XXYLT1: variants seen among roughly 807,000 people sequenced by gnomAD.
The protein encoded by XXYLT1 is xyloside xylosyltransferase 1, also known as UDP-xylose:alpha-xyloside alpha-1,3-xylosyltransferase.
Under a neutral mutation model 28.9 loss-of-function variants are expected in XXYLT1, and 20 were observed. The observed-to-expected ratio is 0.69, with a 90% CI of 0.49 to 1.00. The LOEUF (loss-of-function observed/expected upper bound fraction) is 1.00. Ranked by LOEUF, XXYLT1 falls within the 50% of genes least tolerant of loss-of-function variation. XXYLT1 has a pLI of 0.00. For synonymous variants in XXYLT1, 257 were observed against 253.8 expected (o/e 1.01, Z -0.12); for missense variants, 542 against 560.1 (o/e 0.97, Z 0.33).
chr3:195,072,057 G>T (rs1163203674), intron 3 of XXYLT1, among the ~76,000 whole-genome samples: 1 of 152,182 alleles, frequency 6.6e-6, no homozygotes, highest in African/African-American at 2.4e-5. Flanking sequence ...CCCAGCTGGG[G>T]GTGTGGCCCG....
chr3:195,198,574 C>T (rs982354229), intron 2 of XXYLT1, among the ~76,000 whole-genome samples: 5 of 152,164 alleles, frequency 3.3e-5, no homozygotes, highest in Admixed American at 1.3e-4. Flanking sequence ...GTACTTATCC[C>T]GTGTAAGGTA....
chr3:195,271,134 T>C lies in XXYLT1; in HGVS notation c.-76A>G. 3.2e-6 allele frequency: 4 copies of C among 1,253,968 alleles called. No individual in the cohort carries two copies. Among genetic ancestry groups the C allele is most frequent in the Non-Finnish European group, 4.0e-6 (4 of 999,328 alleles). 77.7% of individuals were successfully genotyped at this position (1,253,968 alleles called of 1,614,324 possible). On this transcript the variant is annotated 5_prime_UTR_variant, in exon 1 of 4. It removes the in-frame stop codon of an upstream open reading frame in the 5' UTR. Coordinates refer to ENST00000310380, the MANE Select transcript of XXYLT1 (RefSeq NM_152531.5). ...GGGTACCCGGACGCCGGCGGCCACT[T>C]AGCCCCGGCGCCAGGCGGCGGCCAT...
intron 3 of XXYLT1, 149 bp downstream of exon 3, chr3:195,156,300 T>C: frequency 5.2e-6 from 7 of 1,352,944 alleles, no homozygotes; most frequent in Non-Finnish European, 7.0e-6. Flanking sequence ...TACAATCAAC[T>C]GTAAGCAATA....
chr3:195,225,392 C>T (rs989772252), intron 2 of XXYLT1, among the ~76,000 whole-genome samples: 1 of 152,164 alleles, frequency 6.6e-6, no homozygotes, highest in Non-Finnish European at 1.5e-5. Context: ...AGGACAACCT[C>T]CCAACAGGAA....
At chr3:195,137,780 T>C (rs368291063) in intron 3 of XXYLT1, among the ~76,000 whole-genome samples, 1 of 152,214 alleles carries the variant, frequency 6.6e-6, no homozygotes, top group Non-Finnish European at 1.5e-5. Flanking sequence ...CATGACATCA[T>C]TGTATTCTCA....
chr3:195,179,990 C>A (rs1324120759), intron 2 of XXYLT1, among the ~76,000 whole-genome samples: 1 of 152,180 alleles, frequency 6.6e-6, no homozygotes, highest in Non-Finnish European at 1.5e-5. Flanking sequence ...CACAGGCAGG[C>A]TCCAGGCCGG....
chr3:195,112,587 A>ATG (rs1717815582), intron 3 of XXYLT1, among the ~76,000 whole-genome samples: 1 of 134,622 alleles, frequency 7.4e-6, no homozygotes, highest in Non-Finnish European at 1.7e-5. Flanking sequence ...ACGCACGCAC[A>ATG]CACACACACG....
chr3:195,112,189 T>G (rs1278106990), intron 3 of XXYLT1, among the ~76,000 whole-genome samples: 1 of 152,204 alleles, frequency 6.6e-6, no homozygotes, highest in Non-Finnish European at 1.5e-5. Context: ...TGAGGCTTGC[T>G]GACATCTCAG....
intron 2 of XXYLT1, among the ~76,000 whole-genome samples, chr3:195,222,251 G>A (rs1723860079): frequency 6.6e-6 from 1 of 152,226 alleles, no homozygotes; most frequent in African/African-American, 2.4e-5. Context: ...CCAGGGCAAG[G>A]AGGACACAGA....
intron 1 of XXYLT1, among the ~76,000 whole-genome samples, chr3:195,238,458 G>A (rs947321680): frequency 6.6e-6 from 1 of 152,146 alleles, no homozygotes; most frequent in Admixed American, 6.5e-5. Context: ...GGCACTCCTC[G>A]TAGGCAGAGG....
intron 3 of XXYLT1, among the ~76,000 whole-genome samples, chr3:195,122,605 T>C (rs1038679457): frequency 2.0e-5 from 3 of 151,962 alleles, no homozygotes; most frequent in African/African-American, 4.8e-5. Context: ...AAGGGATGAG[T>C]CCCAAGGTCC....
chr3:195,187,520 T>A (rs1442601171), intron 2 of XXYLT1, among the ~76,000 whole-genome samples: 1 of 152,230 alleles, frequency 6.6e-6, no homozygotes, highest in African/African-American at 2.4e-5. Context: ...ATACAGTCAA[T>A]CAATCAGACA....
Position 195,228,710 on chromosome 3 carries a change from G to A in XXYLT1, c.505-1854C>T, listed in dbSNP as rs566995101. On this transcript the variant is annotated intron_variant, in intron 1 of 3. Transcript: ENST00000310380. ...TCACCATGTTAGCCAGGATGGTCTC[G>A]ATCTCCTGACCTCGTGATGCGCCCG... Among the ~76,000 whole-genome samples, 21 of 151,716 alleles carry A rather than the reference G, an allele frequency of 1.4e-4. No individual in the cohort carries two copies. The South Asian group carries it at 4.2e-3, about 30-fold the overall frequency.
chr3:195,249,418 C>T (rs947679636), intron 1 of XXYLT1, among the ~76,000 whole-genome samples: 2 of 152,238 alleles, frequency 1.3e-5, no homozygotes, highest in African/African-American at 4.8e-5. Context: ...ACACCAGGCG[C>T]ATGGCACGTG....
chr3:195,116,403 G>T (rs949788223), intron 3 of XXYLT1, among the ~76,000 whole-genome samples: 7 of 152,126 alleles, frequency 4.6e-5, no homozygotes, highest in African/African-American at 1.7e-4. Context: ...GTCTGGGGTG[G>T]GGTCTGAGAT....
intron 3 of XXYLT1, among the ~76,000 whole-genome samples, chr3:195,105,866 T>C (rs1717052499): frequency 6.6e-6 from 1 of 152,226 alleles, no homozygotes; most frequent in African/African-American, 2.4e-5. Flanking sequence ...CGTTTCCAGC[T>C]GTCACCAGCA....
intron 2 of XXYLT1, among the ~76,000 whole-genome samples, chr3:195,183,149 C>T (rs924067343): frequency 2.0e-5 from 3 of 152,164 alleles, no homozygotes; most frequent in Non-Finnish European, 4.4e-5. Flanking sequence ...TTACCCTGTT[C>T]CACTCACTGT....
Position 195,076,704 on chromosome 3 carries a change from C to T in XXYLT1, c.786-6593G>A, listed in dbSNP as rs1379510908. ...TAGGAGGGAGGGTCTGTTCCAGGCG[C>T]TCCCCTCGCTCCTGGTGGCTTGCTG... On this transcript the variant is annotated intron_variant, in intron 3 of 3. Coordinates refer to ENST00000310380, the MANE Select transcript of XXYLT1 (RefSeq NM_152531.5). The surrounding 1 kb of genome is among the most constrained non-coding windows in gnomAD (Gnocchi z 5.3). 6.6e-6 allele frequency among the ~76,000 whole-genome samples: 1 copy of T among 152,172 alleles called. No homozygotes were observed. The highest frequency in any genetic ancestry group is 1.5e-5 in the Non-Finnish European group (1 of 68,018).
At chr3:195,265,000 T>C (rs1328466537) in intron 1 of XXYLT1, among the ~76,000 whole-genome samples, 3 of 151,364 alleles carry the variant, frequency 2.0e-5, no homozygotes, top group African/African-American at 7.3e-5. Flanking sequence ...GAAGCTACAG[T>C]GAGCTGTGAT....
Sources: allele counts gnomAD v4.1 joint callset (sites outside exome capture counted in the v4.1 genomes callset), GRCh38; gene constraint gnomAD v4.1.1; non-coding constraint Gnocchi (gnomAD v3.1); transcripts MANE v1.5; gene names NCBI Gene and HGNC (gene_info 2026-07-23, HGNC 2026-07-21).